Variants in LRRK2 observed in about 807,000 individuals in gnomAD.
The protein encoded by LRRK2 is leucine rich repeat kinase 2.
LRRK2 carries 203 observed loss-of-function variants against 302.6 expected under a neutral mutation model. The observed-to-expected ratio is 0.67, with a 90% CI of 0.60 to 0.75. The LOEUF (loss-of-function observed/expected upper bound fraction) is 0.75. LRRK2 is among the 30% of genes least tolerant of loss of function. LRRK2 has a pLI of 0.00. For synonymous variants in LRRK2, 1,066 were observed against 1,031.9 expected (o/e 1.03, Z -0.63); for missense variants, 2,830 against 2,951.0 (o/e 0.96, Z 0.95).
At chr12:40,349,224 TGTGCATATCCAC>T (rs1259080291) in intron 43 of LRRK2, among the ~76,000 whole-genome samples, 10 of 152,224 alleles carry the variant, frequency 6.6e-5, no homozygotes, top group Admixed American at 6.5e-4. Flanking sequence ...TTAAAGATAA[TGTGCATATCCAC>T]GTGTACACTG....
At chr12:40,306,303 C>T (rs963612151) in intron 28 of LRRK2, among the ~76,000 whole-genome samples, 6 of 152,040 alleles carry the variant, frequency 3.9e-5, no homozygotes, top group African/African-American at 9.7e-5. Flanking sequence ...AGTATAATAA[C>T]TTCTCACACT....
rs1449710234 is a variant in LRRK2, at chr12:40,259,514, C to A, written c.1453C>A (p.Pro485Thr). Residue 485 changes from proline (P) to threonine (T), a missense_variant, in exon 13 of 51, where the codon CCC (proline) becomes ACC (threonine). Physicochemically the swap from Pro to Thr is conservative, Grantham distance 38 (BLOSUM62 -1). This residue lies in a region of LRRK2 where 2,121 missense variants were observed against 2,148.0 expected (regional missense o/e 0.99). Transcript: ENST00000298910. ...TSLDIMAAVV[P>T]KILTVMKRHE... is the part of the protein sequence containing the mutation. Reference sequence around the variant, plus strand: ...CCTGGATATAATGGCAGCAGTGGTCCCCAAAATACTAACAGTTATGAAACG... The same window carrying A: ...CCTGGATATAATGGCAGCAGTGGTCACCAAAATACTAACAGTTATGAAACG... The A allele has an allele frequency of 3.7e-6, 6 of 1,613,174 alleles. No homozygotes were observed. Among genetic ancestry groups the A allele is most frequent in the Non-Finnish European group, 5.1e-6 (6 of 1,179,486 alleles).
chr12:40,356,609 A>G (rs1946547117), intron 46 of LRRK2, among the ~76,000 whole-genome samples: 1 of 152,186 alleles, frequency 6.6e-6, no homozygotes, highest in African/African-American at 2.4e-5. Context: ...TCATTAAAGC[A>G]TTCATTTCTC....
At chr12:40,332,173 G>A (rs1350894474) in intron 39 of LRRK2, among the ~76,000 whole-genome samples, 1 of 152,196 alleles carries the variant, frequency 6.6e-6, no homozygotes, top group African/African-American at 2.4e-5. Context: ...GGCCCTGAGG[G>A]TGCTGTTACT....
At chr12:40,287,977 C>T (rs908414976) in intron 20 of LRRK2, among the ~76,000 whole-genome samples, 2 of 151,844 alleles carry the variant, frequency 1.3e-5, no homozygotes, top group African/African-American at 4.8e-5. Flanking sequence ...TTTATCTTTA[C>T]TATAGCTTAA....
At chr12:40,367,386 C>T (rs1239059110) in intron 50 of LRRK2, 18 of 394,840 alleles carry the variant, frequency 4.6e-5, no homozygotes, top group African/African-American at 3.6e-4. Context: ...TTTGAAAAAG[C>T]TTTTATTTCT....
chr12:40,355,146 G>A (rs1946486890), intron 45 of LRRK2, among the ~76,000 whole-genome samples: 1 of 152,088 alleles, frequency 6.6e-6, no homozygotes, highest in African/African-American at 2.4e-5. Context: ...AAAAGTACTA[G>A]AAAAATGTGA....
chr12:40,304,617 G>C (rs1229934796), intron 27 of LRRK2: 1 of 157,460 alleles, frequency 6.4e-6, no homozygotes, highest in Non-Finnish European at 1.4e-5. Flanking sequence ...AAACAACTTA[G>C]AACGCTTTGC....
At chr12:40,228,929 AC>A (rs1441121734) in intron 2 of LRRK2, among the ~76,000 whole-genome samples, 1 of 152,214 alleles carries the variant, frequency 6.6e-6, no homozygotes, top group African/African-American at 2.4e-5. Flanking sequence ...AGAGCTTGTG[AC>A]AGACCTAAGA....
At chr12:40,314,601 G>T (rs1243845257) in intron 32 of LRRK2, among the ~76,000 whole-genome samples, 1 of 152,056 alleles carries the variant, frequency 6.6e-6, no homozygotes, top group Non-Finnish European at 1.5e-5. Context: ...ATGGCTCCCT[G>T]AGATGATGCA....
At chr12:40,234,498 C>T (rs1187175636) in intron 3 of LRRK2, among the ~76,000 whole-genome samples, 3 of 150,494 alleles carry the variant, frequency 2.0e-5, no homozygotes, top group African/African-American at 7.3e-5. Context: ...CCTGCCTCAG[C>T]CTCTCGAGTA....
chr12:40,300,767 G>A (rs1291197665), intron 25 of LRRK2: 2 of 470,934 alleles, frequency 4.2e-6, no homozygotes, highest in Admixed American at 4.7e-5. Flanking sequence ...AGTAATGATG[G>A]CATAAATAAA....
chr12:40,334,389 C>A (rs4465428), intron 39 of LRRK2, among the ~76,000 whole-genome samples: 131,129 of 152,148 alleles, frequency 0.86, 56,521 homozygotes, highest in Middle Eastern at 0.91. Flanking sequence ...TGTGCAGTCA[C>A]AAATTTGCAT....
At chr12:40,355,508 C>CCTCCCTCT (rs1555195391) in intron 45 of LRRK2, among the ~76,000 whole-genome samples, 1 of 50,454 alleles carries the variant, frequency 2.0e-5, no homozygotes, top group Non-Finnish European at 6.1e-5. Context: ...TCCTTCCATC[C>CCTCCCTCT]CTCCCTCCCT....
In LRRK2 at chr12:40,241,933, T is replaced by C. The variant is rs1479614888; in HGVS notation, c.706+1316T>C. On this transcript the variant is annotated intron_variant, in intron 6 of 50. Transcript: ENST00000298910. ...GAAAGGCCATGGTTTTACATTTCTC[T>C]GAGACATCACTGCCAACAAACTGAA... Among the ~76,000 whole-genome samples the C allele has an allele frequency of 3.9e-5, 6 of 152,222 alleles. No homozygotes were observed. The South Asian group carries it at 1.0e-3, about 26-fold the overall frequency.
Position 40,274,689 on chromosome 12 carries a change from C to T in LRRK2, c.1763C>T (p.Ser588Leu), listed in dbSNP as rs761059833. Residue 588 changes from serine to leucine, a missense_variant, in exon 15 of 51, where the codon TCA (serine) becomes TTA (leucine). Physicochemically the swap from Ser to Leu is moderately radical, Grantham distance 145. Coordinates refer to ENST00000298910, the MANE Select transcript of LRRK2 (RefSeq NM_198578.4). ...TTATCCCTGGAAGGTGCTATGGATT[C>T]AGTGCTTCACACACTGCAGATGTAT... ...EMLSLEGAMD[S>L]VLHTLQMYPD... 1 of 1,614,040 alleles carries T rather than the reference C, an allele frequency of 6.2e-7. No homozygotes were observed. Among genetic ancestry groups the T allele is most frequent in the East Asian group, 2.2e-5 (1 of 44,854 alleles).
intron 40 of LRRK2, among the ~76,000 whole-genome samples, chr12:40,335,685 A>T (rs2136940191): frequency 6.6e-6 from 1 of 152,332 alleles, no homozygotes; most frequent in African/African-American, 2.4e-5. Context: ...TATTCCACAC[A>T]TTTAGTAACT....
At position 40,363,533 on chromosome 12, in the gene LRRK2, T is replaced by C. The variant is rs756366009; in HGVS notation, c.7160T>C (p.Ile2387Thr). The stretch of plus-strand genomic sequence containing the variant: ...AAAACTGAAAAACTCTGTGGACTAA[T>C]AGACTGCGTGCACTTTTTAAGGTAA... Reference protein sequence around the residue: ...DKKTEKLCGLIDCVHFLREVM... With the variant: ...DKKTEKLCGLTDCVHFLREVM... Residue 2387 changes from isoleucine to threonine, a missense_variant, in exon 48 of 51, where the codon ATA (isoleucine) becomes ACA (threonine). By Grantham distance (89) the Ile-to-Thr change is moderately conservative. Around this residue, in one of 3 missense-constraint regions of LRRK2, gnomAD observed 456 missense variants for 456.3 expected, o/e 1.00. Coordinates refer to ENST00000298910, the MANE Select transcript of LRRK2 (RefSeq NM_198578.4). The C allele has an allele frequency of 1.2e-6, 2 of 1,611,734 alleles. No individual in the cohort carries two copies. The highest frequency in any genetic ancestry group is 1.1e-5 in the South Asian group (1 of 91,048).
chr12:40,256,091 T>C (rs17490776), intron 11 of LRRK2, among the ~76,000 whole-genome samples: 1 of 152,272 alleles, frequency 6.6e-6, no homozygotes, highest in Non-Finnish European at 1.5e-5. Context: ...TTCAAGACAA[T>C]TGATATTTAT....
Sources: gnomAD v4.1 joint callset for allele counts (sites outside exome capture counted in the v4.1 genomes callset) on GRCh38, gnomAD v4.1.1 for gene constraint, gnomAD v4.1.1 regional missense constraint, MANE v1.5 for transcripts, NCBI Gene and HGNC (gene_info 2026-07-23, HGNC 2026-07-21) for gene names.